CNKSR3: variants seen among roughly 807,000 people sequenced by gnomAD.
CNKSR3 encodes CNKSR family member 3, also known as connector enhancer of kinase suppressor of ras 3.
CNKSR3 carries 36 observed loss-of-function variants against 67.7 expected under a neutral mutation model. That is an observed-to-expected ratio of 0.53 (90% confidence interval 0.41 to 0.70). The LOEUF (loss-of-function observed/expected upper bound fraction) is 0.70, where lower values mean the gene tolerates loss of function less well. CNKSR3 is among the 30% of genes least tolerant of loss of function. The pLI is 0.00. For synonymous variants in CNKSR3, 281 were observed against 271.4 expected (o/e 1.04, Z -0.35); for missense variants, 630 against 695.2 (o/e 0.91, Z 1.05).
chr6:154,501,344 A>G (rs1786989850), intron 1 of CNKSR3, among the ~76,000 whole-genome samples: 1 of 152,108 alleles, frequency 6.6e-6, no homozygotes, highest in Admixed American at 6.6e-5. Context: ...CAGATCAAAT[A>G]CTGTCACTCT....
At chr6:154,430,432 T>C (rs1331270467) in intron 6 of CNKSR3, 40 bp downstream of exon 6, 7 of 1,563,110 alleles carry the variant, frequency 4.5e-6, no homozygotes, top group Non-Finnish European at 8.6e-7. Context: ...AATGATGATG[T>C]ATGTTATCTG....
At chr6:154,481,658 C>G (rs1264852450) in intron 1 of CNKSR3, among the ~76,000 whole-genome samples, 1 of 152,160 alleles carries the variant, frequency 6.6e-6, no homozygotes, top group African/African-American at 2.4e-5. Flanking sequence ...TTATGCATGT[C>G]TGTGTTTTGT....
rs993393244 is a variant in CNKSR3, at chr6:154,392,214, A to C, written c.*14140T>G. ...AACAGAGAGAGACTCCATCTCAAAA[A>C]AAAAAAAAGAGTGTACCATTATATG... On this transcript the variant is annotated 3_prime_UTR_variant, in exon 13 of 13. Coordinates refer to ENST00000607772, the MANE Select transcript of CNKSR3 (RefSeq NM_173515.4). The C allele has an allele frequency of 3.9e-5, 6 of 151,950 alleles. No individual in the cohort carries two copies. The highest frequency in any genetic ancestry group is 1.5e-4 in the African/African-American group (6 of 41,320). The allele number at this position is 151,950 out of a possible 1,614,324, so 9.4% of individuals were successfully genotyped here.
rs1473302258 is a variant in CNKSR3, at chr6:154,404,900, T to C, written c.*1454A>G. On this transcript the variant is annotated 3_prime_UTR_variant, in exon 13 of 13. Coordinates refer to ENST00000607772, the MANE Select transcript of CNKSR3 (RefSeq NM_173515.4). ...AGTCACAGTAATTATACATGAGTGG[T>C]TGCTAGTTCCTTTAACCACACCAGA... The C allele has an allele frequency of 6.6e-6, 1 of 152,100 alleles. No homozygotes were observed. 9.4% of individuals were successfully genotyped at this position (152,100 alleles called of 1,614,324 possible). A position where few individuals can be genotyped will look rare whatever the true frequency, so the allele number is the denominator to read the frequency against.
intron 1 of CNKSR3, among the ~76,000 whole-genome samples, chr6:154,473,310 C>A (rs1786371235): frequency 6.6e-6 from 1 of 152,204 alleles, no homozygotes; most frequent in South Asian, 2.1e-4. Context: ...TTATCATTTT[C>A]TATGCGTTAG....
At chr6:154,459,736 A>G (rs1376372725) in intron 1 of CNKSR3, among the ~76,000 whole-genome samples, 1 of 152,268 alleles carries the variant, frequency 6.6e-6, no homozygotes, top group Non-Finnish European at 1.5e-5. Flanking sequence ...GAGTTTCACA[A>G]CATAAGTAGA....
At chr6:154,418,632 C>T (rs539370399) in intron 9 of CNKSR3, among the ~76,000 whole-genome samples, 1 of 152,082 alleles carries the variant, frequency 6.6e-6, no homozygotes, top group Non-Finnish European at 1.5e-5. Context: ...AAGGAATTAG[C>T]GCCTCTGGAA....
chr6:154,446,704 C>T (rs539948427), intron 2 of CNKSR3, among the ~76,000 whole-genome samples: 1 of 152,128 alleles, frequency 6.6e-6, no homozygotes, highest in East Asian at 1.9e-4. Context: ...ATTTCTCAAC[C>T]TCCTTCAACC....
intron 1 of CNKSR3, among the ~76,000 whole-genome samples, chr6:154,468,179 C>T (rs1168235848): frequency 6.8e-6 from 1 of 147,910 alleles, no homozygotes; most frequent in Admixed American, 6.9e-5. Context: ...TGGGTTCAAG[C>T]AACTCTCCTG....
chr6:154,470,379 T>C (rs1291196022), intron 1 of CNKSR3, among the ~76,000 whole-genome samples: 1 of 151,900 alleles, frequency 6.6e-6, no homozygotes, highest in East Asian at 1.9e-4. Flanking sequence ...TTTTTGTGTT[T>C]GTAGAGACAG....
chr6:154,466,075 T>C (rs983948577), intron 1 of CNKSR3, among the ~76,000 whole-genome samples: 1 of 152,208 alleles, frequency 6.6e-6, no homozygotes, highest in African/African-American at 2.4e-5. Flanking sequence ...CAAATTTATT[T>C]TGAAAAAACT....
Position 154,470,188 on chromosome 6 carries a change from C to CTTTTTTTTTTTTTT in CNKSR3, c.53-19944_53-19931dup, listed in dbSNP as rs869154714. ...TGTAATAAAGAACCTACTTTCTTTCCTTTTTTTTTTTTTTTTTTTTTTTTT... is the reference window on the plus strand; with the variant it reads ...TGTAATAAAGAACCTACTTTCTTTCCTTTTTTTTTTTTTTTTTTTTTTTTTTTTTTTTTTTTTTT... On this transcript the variant is annotated intron_variant, in intron 1 of 12. Coordinates refer to ENST00000607772, the MANE Select transcript of CNKSR3 (RefSeq NM_173515.4). 1.3e-4 allele frequency among the ~76,000 whole-genome samples: 9 copies of CTTTTTTTTTTTTTT among 68,750 alleles called. 1 individual carries two copies. Among genetic ancestry groups the CTTTTTTTTTTTTTT allele is most frequent in the Non-Finnish European group, 1.8e-4 (7 of 38,380 alleles). 45.1% of individuals were successfully genotyped at this position (68,750 alleles called of 152,430 possible).
At chr6:154,419,394 T>C (rs756774309) in intron 9 of CNKSR3, among the ~76,000 whole-genome samples, 5 of 151,946 alleles carry the variant, frequency 3.3e-5, no homozygotes, top group Admixed American at 3.3e-4. Flanking sequence ...AACAGAGATA[T>C]GAAAAAATGT....
In CNKSR3 at chr6:154,406,347, G is replaced by T. The variant is rs142615338; in HGVS notation, c.*7C>A. Reference sequence around the variant, plus strand: ...GAGCCAGGCAGGTGGCCTGAGCAGGGTCCCTCTCAGTGAGTCAACAGTTTG... The same window carrying T: ...GAGCCAGGCAGGTGGCCTGAGCAGGTTCCCTCTCAGTGAGTCAACAGTTTG... On this transcript the variant is annotated 3_prime_UTR_variant, in exon 13 of 13. Transcript: ENST00000607772. 1.4e-5 allele frequency: 23 copies of T among 1,606,524 alleles called. No individual in the cohort carries two copies. The African/African-American group carries it at 2.7e-4, about 19-fold the overall frequency.
chr6:154,505,306 C>CA (rs1787075413), intron 1 of CNKSR3, among the ~76,000 whole-genome samples: 1 of 151,104 alleles, frequency 6.6e-6, no homozygotes, highest in South Asian at 2.1e-4. Context: ...AACAAATAGA[C>CA]ACGACAGGGA....
At chr6:154,480,119 A>G (rs1379185613) in intron 1 of CNKSR3, among the ~76,000 whole-genome samples, 4 of 152,248 alleles carry the variant, frequency 2.6e-5, no homozygotes, top group Non-Finnish European at 4.4e-5. Context: ...ACCAGGCACC[A>G]GATGTCTGGT....
intron 1 of CNKSR3, among the ~76,000 whole-genome samples, chr6:154,503,327 A>G (rs1200685851): frequency 6.6e-6 from 1 of 152,056 alleles, no homozygotes; most frequent in Non-Finnish European, 1.5e-5. Flanking sequence ...TTTTTTTTAA[A>G]GGGGGGCAGG....
chr6:154,503,993 C>G (rs1354908473), intron 1 of CNKSR3, among the ~76,000 whole-genome samples: 1 of 152,142 alleles, frequency 6.6e-6, no homozygotes, highest in Non-Finnish European at 1.5e-5. Flanking sequence ...GCCAGGGGAT[C>G]TTATTAAAAT....
intron 4 of CNKSR3, among the ~76,000 whole-genome samples, chr6:154,434,464 G>A (rs1291870979): frequency 6.6e-6 from 1 of 152,148 alleles, no homozygotes; most frequent in African/African-American, 2.4e-5. Context: ...GGAATTGTCA[G>A]GTGAAGATTT....
Sources: allele counts gnomAD v4.1 joint callset (sites outside exome capture counted in the v4.1 genomes callset), GRCh38; gene constraint gnomAD v4.1.1; transcripts MANE v1.5; gene names NCBI Gene and HGNC (gene_info 2026-07-23, HGNC 2026-07-21).